The following MYO16 variants were observed in gnomAD, a reference collection of about 807,000 sequenced individuals.
MYO16 encodes the protein unconventional myosin-XVI.
MYO16 carries 94 observed loss-of-function variants against 205.3 expected under a neutral mutation model. The ratio of observed to expected loss-of-function variants is 0.46; its 90% CI spans 0.39 to 0.54. The LOEUF (loss-of-function observed/expected upper bound fraction) is 0.54, where lower values mean the gene tolerates loss of function less well. Ranked by LOEUF, MYO16 falls within the 20% of genes least tolerant of loss-of-function variation. The pLI is 0.00. For synonymous variants in MYO16, 988 were observed against 954.0 expected, an observed-to-expected ratio of 1.04 and a Z score of -0.66; for missense variants, 2,315 against 2,387.5, an observed-to-expected ratio of 0.97 and a Z score of 0.63.
chr13:108,736,049 T>C lies in MYO16; in HGVS notation c.507+8466T>C, dbSNP rs1258053930. ...TTTGTAGATCCTGGATATTAGCCCTTTGTCAGATGAGTAGGTTGCAAAAAT... is the reference window on the plus strand; with the variant it reads ...TTTGTAGATCCTGGATATTAGCCCTCTGTCAGATGAGTAGGTTGCAAAAAT... On this transcript the variant is annotated intron_variant, in intron 4 of 34. Coordinates refer to ENST00000457511, the MANE Select transcript of MYO16 (RefSeq NM_001198950.3). Among the ~76,000 whole-genome samples, 3 of 152,316 alleles carry C rather than the reference T, an allele frequency of 2.0e-5. No homozygotes were observed. In the East Asian group the frequency reaches 5.8e-4, roughly 29 times the overall value.
At chr13:108,634,422 A>G (rs1203988219) in intron 1 of MYO16, among the ~76,000 whole-genome samples, 2 of 152,102 alleles carry the variant, frequency 1.3e-5, no homozygotes, top group Non-Finnish European at 2.9e-5. Flanking sequence ...TCTCTCCTGC[A>G]TCAGCTTCCA....
chr13:108,548,240 G>A, the MYO16 span, among the ~76,000 whole-genome samples: 2 of 149,838 alleles, frequency 1.3e-5, no homozygotes, highest in Non-Finnish European at 3.0e-5. Flanking sequence ...GGTGGTGGTG[G>A]TGGTGGCAGT....
At chr13:109,095,230 A>G (rs976625571) in intron 27 of MYO16, among the ~76,000 whole-genome samples, 1 of 152,192 alleles carries the variant, frequency 6.6e-6, no homozygotes, top group East Asian at 1.9e-4. Context: ...GCCTAAATAT[A>G]GGTGTCTTCA....
rs550173556 is a variant in MYO16, at chr13:108,684,163, C to T, written c.292+18014C>T. On this transcript the variant is annotated intron_variant, in intron 2 of 34. Coordinates refer to ENST00000457511, the MANE Select transcript of MYO16 (RefSeq NM_001198950.3). ...TGCTGGGATTACAGGCGTGAGCCACCGCGCCTAGTCAGATGTGTTGCCTTC... is the reference window on the plus strand; with the variant it reads ...TGCTGGGATTACAGGCGTGAGCCACTGCGCCTAGTCAGATGTGTTGCCTTC... 2.0e-5 allele frequency among the ~76,000 whole-genome samples: 3 copies of T among 152,322 alleles called. No homozygotes were observed. In the South Asian group the frequency reaches 6.2e-4, roughly 32 times the overall value.
intron 16 of MYO16, among the ~76,000 whole-genome samples, chr13:108,915,363 A>G (rs571619436): frequency 6.6e-6 from 1 of 152,370 alleles, no homozygotes; most frequent in Non-Finnish European, 1.5e-5. Context: ...AAACAAAACA[A>G]AACAAAAATC....
chr13:108,692,198 T>C (rs1882923571), intron 2 of MYO16, among the ~76,000 whole-genome samples: 1 of 152,214 alleles, frequency 6.6e-6, no homozygotes. Flanking sequence ...AAAATACTGC[T>C]CTTGAGCCAG....
upstream of MYO16, among the ~76,000 whole-genome samples, chr13:108,592,044 T>A (rs904319704): frequency 6.7e-6 from 1 of 149,386 alleles, no homozygotes; most frequent in Non-Finnish European, 1.5e-5. Context: ...ATTAAAAAAA[T>A]TTAATTATAT....
intron 17 of MYO16, among the ~76,000 whole-genome samples, chr13:108,959,988 A>G (rs1883519914): frequency 6.6e-6 from 1 of 151,680 alleles, no homozygotes; most frequent in Non-Finnish European, 1.5e-5. Flanking sequence ...AAAAAAAAAA[A>G]AAAGCTGGGC....
At chr13:109,065,578 A>G (rs762460045) in intron 27 of MYO16, 1 of 477,106 alleles carries the variant, frequency 2.1e-6, no homozygotes, top group Non-Finnish European at 4.0e-6. Context: ...AAAAGTCCCT[A>G]CAGGAGATGT....
chr13:108,886,410 G>T, intron 13 of MYO16: 1 of 456,160 alleles, frequency 2.2e-6, no homozygotes, highest in South Asian at 1.5e-5. Flanking sequence ...GCTCGGCTAC[G>T]TCCAGGTTCT....
chr13:108,850,019 C>T (rs1000496893), intron 10 of MYO16, among the ~76,000 whole-genome samples: 4 of 150,262 alleles, frequency 2.7e-5, no homozygotes, highest in Non-Finnish European at 4.4e-5. Context: ...GACTGCCTTC[C>T]TCCAAATCCT....
At chr13:108,852,567 G>A (rs529541723) in intron 10 of MYO16, among the ~76,000 whole-genome samples, 12 of 152,138 alleles carry the variant, frequency 7.9e-5, no homozygotes, top group Non-Finnish European at 1.3e-4. Context: ...AAAGAAATAC[G>A]TGAACGAGAA....
At chr13:109,009,339 T>G (rs1393472279) in intron 22 of MYO16, among the ~76,000 whole-genome samples, 1 of 152,188 alleles carries the variant, frequency 6.6e-6, no homozygotes, top group East Asian at 1.9e-4. Flanking sequence ...AAGTGCCTAT[T>G]GTAAAAAAAC....
At chr13:108,831,883 G>T (rs924735937) in intron 9 of MYO16, among the ~76,000 whole-genome samples, 1 of 152,156 alleles carries the variant, frequency 6.6e-6, no homozygotes, top group South Asian at 2.1e-4. Flanking sequence ...TCTGGAGAAG[G>T]TTACCATCCC....
chr13:108,667,749 A>G (rs936066566), intron 2 of MYO16, among the ~76,000 whole-genome samples: 3 of 152,218 alleles, frequency 2.0e-5, no homozygotes, highest in African/African-American at 7.2e-5. Flanking sequence ...GTAACAAAAC[A>G]CAAAAAATAA....
At chr13:108,554,435 T>G in the MYO16 span, among the ~76,000 whole-genome samples, 1 of 152,310 alleles carries the variant, frequency 6.6e-6, no homozygotes, top group East Asian at 1.9e-4. Context: ...AACCCTTAGC[T>G]TTGCCATCTC....
chr13:108,896,897 A>G (rs934625151), intron 14 of MYO16, among the ~76,000 whole-genome samples: 4 of 151,078 alleles, frequency 2.6e-5, no homozygotes, highest in Non-Finnish European at 4.4e-5. Flanking sequence ...GCTTGAATCC[A>G]GGAGGCAGAG....
intron 2 of MYO16, among the ~76,000 whole-genome samples, chr13:108,670,114 A>C (rs1160255111): frequency 1.3e-5 from 2 of 152,166 alleles, no homozygotes; most frequent in East Asian, 3.9e-4. Context: ...AAAATAATTC[A>C]TGTGAGAGGG....
intron 4 of MYO16, among the ~76,000 whole-genome samples, chr13:108,779,202 T>C (rs764937163): frequency 1.9e-4 from 29 of 152,192 alleles, no homozygotes; most frequent in Non-Finnish European, 3.8e-4. Context: ...CACACTAGGC[T>C]AACGACACCC....
Sources: gnomAD v4.1 joint callset for allele counts (sites outside exome capture counted in the v4.1 genomes callset) on GRCh38, gnomAD v4.1.1 for gene constraint, MANE v1.5 for transcripts, NCBI Gene and HGNC (gene_info 2026-07-23, HGNC 2026-07-21) for gene names.